Variants in ZNF345 observed in about 807,000 individuals in gnomAD.
The protein encoded by ZNF345 is zinc finger protein 345.
For missense variants in ZNF345, 527 were observed against 589.9 expected (o/e 0.89, Z 1.10); for synonymous variants, 166 against 187.9 (o/e 0.88, Z 0.95).
chr19:36,891,358 G>A, intron 3 of ZNF345: 1 of 887,010 alleles, frequency 1.1e-6, no homozygotes, highest in Non-Finnish European at 1.6e-6. Context: ...TTGGTACTTG[G>A]TACTTTGTTA....
At position 36,873,218 on chromosome 19, in the gene ZNF345, T is replaced by C. The variant is rs1171013084; in HGVS notation, c.-46-3567T>C. Among the ~76,000 whole-genome samples the C allele has an allele frequency of 2.6e-5, 4 of 152,150 alleles. 1 individual carries two copies. The highest frequency in any genetic ancestry group is 2.6e-4 in the Admixed American group (4 of 15,258). On this transcript the variant is annotated intron_variant, in intron 2 of 2. Transcript: ENST00000420450. ...GTATCATGTGGAGTAGCTTCTCATA[T>C]CCTTATGAGAATATACGTTGTGACT...
intron 3 of ZNF345, chr19:36,891,672 G>T (rs1392584013): frequency 3.1e-6 from 5 of 1,612,452 alleles, no homozygotes; most frequent in Non-Finnish European, 4.2e-6. Context: ...CATCTGTATG[G>T]ATTCTCTGAT....
chr19:36,877,087 G>T lies in ZNF345; in HGVS notation c.257G>T (p.Gly86Val). ...GTTCGACATCAGCGAATTCATACTG[G>T]TGAGAAACCTTATGAATGCAAAGAA... ...VLVRHQRIHT[G>V]EKPYECKECG... The change falls in exon 3 of 3, where the codon GGT becomes GTT. Residue 86 changes from glycine to valine, a missense_variant. Physicochemically the swap from Gly to Val is moderately radical, Grantham distance 109. Transcript: ENST00000420450. 1 of 1,614,130 alleles carries T rather than the reference G, an allele frequency of 6.2e-7. No individual in the cohort carries two copies. The highest frequency in any genetic ancestry group is 8.5e-7 in the Non-Finnish European group (1 of 1,180,006).
At chr19:36,863,193 CT>C (rs1456219866) in intron 2 of ZNF345, among the ~76,000 whole-genome samples, 2 of 152,096 alleles carry the variant, frequency 1.3e-5, no homozygotes, top group African/African-American at 4.8e-5. Context: ...ACTTGTCTCT[CT>C]GGGTTATGCT....
intron 2 of ZNF345, among the ~76,000 whole-genome samples, chr19:36,874,064 T>G (rs2072826601): frequency 6.6e-6 from 1 of 152,248 alleles, no homozygotes. Flanking sequence ...CCTCCACTTC[T>G]TAAGTTTTTC....
intron 2 of ZNF345, among the ~76,000 whole-genome samples, chr19:36,859,102 A>C (rs2072488599): frequency 6.6e-6 from 1 of 152,030 alleles, no homozygotes; most frequent in Non-Finnish European, 1.5e-5. Flanking sequence ...TAAAAAAAAA[A>C]AAAAACTTTC....
intron 2 of ZNF345, among the ~76,000 whole-genome samples, chr19:36,852,522 G>A (rs1198569409): frequency 1.3e-5 from 2 of 151,364 alleles, no homozygotes; most frequent in Admixed American, 1.3e-4. Context: ...GAGGAGAATC[G>A]CTTGAACCCG....
At chr19:36,866,260 A>G (rs1429313679) in intron 2 of ZNF345, among the ~76,000 whole-genome samples, 1 of 151,996 alleles carries the variant, frequency 6.6e-6, no homozygotes, top group Non-Finnish European at 1.5e-5. Flanking sequence ...TATTTTATAT[A>G]TTCAAATACA....
intron 3 of ZNF345, among the ~76,000 whole-genome samples, chr19:36,887,720 A>G (rs2073010892): frequency 6.6e-6 from 1 of 151,204 alleles, no homozygotes; most frequent in Non-Finnish European, 1.5e-5. Context: ...ATGCTAGGCT[A>G]AAAGTCAAGA....
At chr19:36,875,914 A>T (rs1295335260) in intron 2 of ZNF345, among the ~76,000 whole-genome samples, 5 of 152,198 alleles carry the variant, frequency 3.3e-5, no homozygotes, top group African/African-American at 7.2e-5. Flanking sequence ...TACTTTATGC[A>T]AGTATGTAAG....
At chr19:36,881,723 T>G (rs960436894), downstream of ZNF345, among the ~76,000 whole-genome samples, 1 of 152,168 alleles carries the variant, frequency 6.6e-6, no homozygotes, top group African/African-American at 2.4e-5. Context: ...CATGAAATCT[T>G]AAGATGCTAC....
intron 3 of ZNF345, chr19:36,888,223 T>C (rs1173357969): frequency 6.6e-6 from 1 of 152,168 alleles, no homozygotes; most frequent in African/African-American, 2.4e-5. Flanking sequence ...AATGAAATTA[T>C]AAATTGTGCT....
chr19:36,892,189 C>A lies in ZNF345; in HGVS notation c.47-629C>A, dbSNP rs560468006. On this transcript the variant is annotated intron_variant, in intron 3 of 3. Coordinates refer to the ZNF345 transcript ENST00000526123. ...TTTACCAGTGTGAATCCTCTGATGT[C>A]GAGTAACGAGTGAGCCACGACTAAA... 13 of 1,614,094 alleles carry A rather than the reference C, an allele frequency of 8.1e-6. No individual in the cohort carries two copies. In the South Asian group the frequency reaches 1.3e-4, roughly 16 times the overall value.
intron 2 of ZNF345, among the ~76,000 whole-genome samples, chr19:36,873,133 AT>A (rs1488394722): frequency 6.6e-6 from 1 of 151,866 alleles, no homozygotes; most frequent in African/African-American, 2.4e-5. Flanking sequence ...CCAACTTTAT[AT>A]TTTCATTTTC....
intron 2 of ZNF345, among the ~76,000 whole-genome samples, chr19:36,856,759 A>G (rs2072426894): frequency 6.6e-6 from 1 of 151,890 alleles, no homozygotes; most frequent in South Asian, 2.1e-4. Flanking sequence ...GGGAGGCAGG[A>G]GAATCGCTGG....
intron 3 of ZNF345, among the ~76,000 whole-genome samples, chr19:36,884,758 C>G (rs1462706790): frequency 6.6e-6 from 1 of 152,182 alleles, no homozygotes; most frequent in Non-Finnish European, 1.5e-5. Context: ...CCCAGCCAAA[C>G]CAAGACACTG....
intron 3 of ZNF345, chr19:36,892,159 G>A: frequency 6.2e-7 from 1 of 1,614,072 alleles, no homozygotes; most frequent in Non-Finnish European, 8.5e-7. Context: ...ACATTCATAG[G>A]GTTTTTTACC....
chr19:36,887,287 T>C (rs2073007501), intron 3 of ZNF345, among the ~76,000 whole-genome samples: 1 of 152,150 alleles, frequency 6.6e-6, no homozygotes, highest in Admixed American at 6.5e-5. Context: ...TTCTCCTGCT[T>C]AGAATGCTGG....
downstream of ZNF345, among the ~76,000 whole-genome samples, chr19:36,881,193 T>C (rs1408336269): frequency 2.1e-4 from 32 of 152,276 alleles, no homozygotes; most frequent in Non-Finnish European, 4.4e-5. Context: ...ATATCTGAAA[T>C]GCTCCAAATT....
Sources: allele counts gnomAD v4.1 joint callset (sites outside exome capture counted in the v4.1 genomes callset), GRCh38; gene constraint gnomAD v4.1.1; transcripts MANE v1.5; gene names NCBI Gene and HGNC (gene_info 2026-07-23, HGNC 2026-07-21).